UBE2L3: variants seen among roughly 807,000 people sequenced by gnomAD.
UBE2L3 encodes the protein ubiquitin-conjugating enzyme E2 L3.
In UBE2L3, 1 loss-of-function variant was observed where a neutral mutation model predicts 17.8. The ratio of observed to expected loss-of-function variants is 0.06; its 90% confidence interval spans 0.02 to 0.27. UBE2L3 has a LOEUF of 0.27. Among genes scored for constraint, UBE2L3 ranks in the 10% least tolerant of loss-of-function variants. The pLI is 1.00. For synonymous variants in UBE2L3, 44 were observed against 68.5 expected, an observed-to-expected ratio of 0.64 and a Z score of 1.76; for missense variants, 40 against 192.6, an observed-to-expected ratio of 0.21 and a Z score of 4.69.
At chr22:21,596,707 G>A (rs1404830458) in intron 2 of UBE2L3, among the ~76,000 whole-genome samples, 2 of 151,962 alleles carry the variant, frequency 1.3e-5, no homozygotes, top group Non-Finnish European at 2.9e-5. Context: ...GGCTGGTCTC[G>A]AACTCCCGAC....
chr22:21,601,288 C>T (rs961972825), intron 2 of UBE2L3, among the ~76,000 whole-genome samples: 1 of 151,886 alleles, frequency 6.6e-6, no homozygotes, highest in African/African-American at 2.4e-5. Context: ...AGAACTTAAC[C>T]TCCTAAACTT....
chr22:21,588,823 C>T (rs180818938), intron 1 of UBE2L3, among the ~76,000 whole-genome samples: 30 of 152,064 alleles, frequency 2.0e-4, no homozygotes, highest in African/African-American at 6.3e-4. Flanking sequence ...CCACCACGCC[C>T]GGCTAATTTT....
chr22:21,583,858 G>A (rs1005491995), intron 1 of UBE2L3, among the ~76,000 whole-genome samples: 1 of 152,144 alleles, frequency 6.6e-6, no homozygotes, highest in African/African-American at 2.4e-5. Flanking sequence ...ATCCTTTGCA[G>A]GTGAACTTTT....
intron 2 of UBE2L3, among the ~76,000 whole-genome samples, chr22:21,602,283 A>C (rs570054113): frequency 6.6e-6 from 1 of 152,318 alleles, no homozygotes; most frequent in East Asian, 1.9e-4. Context: ...GATCCAAACT[A>C]GGATCCAGCT....
chr22:21,586,871 C>T (rs947724810), intron 1 of UBE2L3, among the ~76,000 whole-genome samples: 8 of 144,944 alleles, frequency 5.5e-5, no homozygotes, highest in South Asian at 4.4e-4. Flanking sequence ...CCACTGTGCC[C>T]GGCCTTTTTT....
chr22:21,556,263 C>A (rs1351857324), intron 1 of UBE2L3, among the ~76,000 whole-genome samples: 1 of 152,208 alleles, frequency 6.6e-6, no homozygotes, highest in East Asian at 1.9e-4. Context: ...GGCATAGTGG[C>A]GTGTGCCTGT....
intron 2 of UBE2L3, among the ~76,000 whole-genome samples, chr22:21,609,039 C>T (rs891927374): frequency 5.3e-5 from 8 of 152,048 alleles, no homozygotes; most frequent in East Asian, 1.9e-4. Flanking sequence ...GGACTACAGG[C>T]GCCCACCACC....
intron 1 of UBE2L3, among the ~76,000 whole-genome samples, chr22:21,575,585 GA>G (rs566013015): frequency 1.1e-3 from 142 of 132,176 alleles, no homozygotes; most frequent in African/African-American, 3.4e-3. Context: ...CGAGACTCTC[GA>G]AAGAAAAAAG....
At chr22:21,574,175 C>G (rs1427553568) in intron 1 of UBE2L3, among the ~76,000 whole-genome samples, 1 of 152,160 alleles carries the variant, frequency 6.6e-6, no homozygotes, top group African/African-American at 2.4e-5. Flanking sequence ...CCAAGCCCCC[C>G]ACCCCTATAA....
chr22:21,590,696 T>C (rs994139975), intron 1 of UBE2L3, among the ~76,000 whole-genome samples: 2 of 152,238 alleles, frequency 1.3e-5, no homozygotes, highest in Non-Finnish European at 2.9e-5. Context: ...TTTTGTTTGC[T>C]AGGACTCCAG....
intron 3 of UBE2L3, among the ~76,000 whole-genome samples, chr22:21,613,100 C>G (rs954991281): frequency 1.3e-5 from 2 of 152,286 alleles, no homozygotes; most frequent in South Asian, 4.1e-4. Context: ...CAGGAAAGCC[C>G]TGCACCTCAG....
Position 21,568,081 on chromosome 22 carries a change from C to T in UBE2L3, c.27+310C>T, listed in dbSNP as rs906261687. ...CGGAGGCCGCGGTCCGATCTGAGGG[C>T]GTCGTTAATGTGAGAGCCCGGTTGG... is the stretch of plus-strand genomic sequence containing the variant. On this transcript the variant is annotated intron_variant, in intron 1 of 3. Transcript: ENST00000342192. 4 of 1,201,974 alleles carry T rather than the reference C, an allele frequency of 3.3e-6. No homozygotes were observed. In the African/African-American group the frequency reaches 4.8e-5, roughly 14 times the overall value. The allele number at this position is 1,201,974 out of a possible 1,614,324, so 74.5% of individuals were successfully genotyped here. A position where few individuals can be genotyped will look rare whatever the true frequency, so the allele number is the denominator to read the frequency against.
intron 2 of UBE2L3, among the ~76,000 whole-genome samples, chr22:21,603,529 TAAAAAAAAAAA>T (rs780658850): frequency 2.5e-5 from 2 of 79,978 alleles, no homozygotes; most frequent in African/African-American, 4.9e-5. Context: ...GACTCTGTCT[TAAAAAAAAAAA>T]AAAAAAAAAA....
At chr22:21,603,836 C>CAAA (rs903922965) in intron 2 of UBE2L3, among the ~76,000 whole-genome samples, 5 of 105,414 alleles carry the variant, frequency 4.7e-5, no homozygotes, top group African/African-American at 1.6e-4. Flanking sequence ...GACTCTGTCT[C>CAAA]AAAAAAAAAA....
intron 2 of UBE2L3, among the ~76,000 whole-genome samples, chr22:21,599,725 T>C (rs951733010): frequency 2.6e-5 from 4 of 152,196 alleles, no homozygotes; most frequent in African/African-American, 7.2e-5. Flanking sequence ...CAGAGAACGT[T>C]CTTGGGCTGT....
At chr22:21,556,685 C>T (rs1187967013) in intron 1 of UBE2L3, among the ~76,000 whole-genome samples, 2 of 142,882 alleles carry the variant, frequency 1.4e-5, no homozygotes, top group Admixed American at 1.4e-4. Context: ...TGGTCTTAAA[C>T]TCCTGACCTC....
At chr22:21,564,035 T>C (rs1022803674), upstream of UBE2L3, among the ~76,000 whole-genome samples, 2 of 150,280 alleles carry the variant, frequency 1.3e-5, no homozygotes, top group African/African-American at 4.9e-5. Flanking sequence ...TTTTCTTTCT[T>C]TCTTTTTTTT....
At chr22:21,618,290 G>A (rs543411262) in intron 3 of UBE2L3, among the ~76,000 whole-genome samples, 6 of 151,998 alleles carry the variant, frequency 3.9e-5, no homozygotes, top group African/African-American at 1.4e-4. Flanking sequence ...ATTTTGCCAG[G>A]TGCAGTGGCT....
rs1299735094 is a variant in UBE2L3 at position 21,611,062 on chromosome 22, T to G, written c.310+19T>G. 1.3e-6 allele frequency: 2 copies of G among 1,572,840 alleles called. No homozygotes were observed. The highest frequency in any genetic ancestry group is 2.4e-5 in the South Asian group (2 of 83,836). On this transcript the variant is annotated intron_variant, in intron 3 of 3. Transcript: ENST00000342192. ...GACCAAGGTAAGACATGTGCCTGTG[T>G]CTTCCTCGGAGGGGGTCTTTGGGGG...
Sources: gnomAD v4.1 joint callset for allele counts (sites outside exome capture counted in the v4.1 genomes callset) on GRCh38, gnomAD v4.1.1 for gene constraint, MANE v1.5 for transcripts, NCBI Gene and HGNC (gene_info 2026-07-23, HGNC 2026-07-21) for gene names.